Variants in AMMECR1 observed in about 807,000 individuals in gnomAD.
The protein encoded by AMMECR1 is nuclear protein AMMECR1.
A neutral mutation model predicts 22.5 loss-of-function variants in AMMECR1; 3 were observed. That is an observed-to-expected ratio of 0.13 (90% CI 0.06 to 0.35). The LOEUF is 0.35. AMMECR1 is among the 10% of genes least tolerant of loss of function. The probability of loss-of-function intolerance (pLI) is 1.00; values close to 1 mark genes in which losing one functional copy is unlikely to be tolerated. For synonymous variants in AMMECR1, 130 were observed against 116.7 expected (o/e 1.11, Z -0.74); for missense variants, 235 against 278.7 (o/e 0.84, Z 1.12).
chrX:110,424,390 A>G (rs551636768), intron 2 of AMMECR1, among the ~76,000 whole-genome samples: 1 of 111,260 alleles, frequency 9.0e-6, no homozygotes, highest in Admixed American at 9.6e-5. Flanking sequence ...TTTTTCCAGC[A>G]CTCCTAGGTG....
intron 2 of AMMECR1, among the ~76,000 whole-genome samples, chrX:110,338,164 G>A (rs1226644154): frequency 8.9e-6 from 1 of 112,180 alleles, no homozygotes; most frequent in Non-Finnish European, 1.9e-5. Flanking sequence ...TGTTTAACAT[G>A]ATGATGTGTT....
At chrX:110,203,444 C>T (rs995506836) in intron 3 of AMMECR1, among the ~76,000 whole-genome samples, 7 of 111,397 alleles carry the variant, frequency 6.3e-5, no homozygotes, top group African/African-American at 2.0e-4. Context: ...GAATAGTATA[C>T]AGAGCTAAAG....
At chrX:110,421,411 G>A (rs992199747) in intron 2 of AMMECR1, among the ~76,000 whole-genome samples, 3 of 112,623 alleles carry the variant, frequency 2.7e-5, no homozygotes, top group Non-Finnish European at 5.6e-5. Context: ...GAGACCTAAT[G>A]TCTGTGAGGG....
At chrX:110,409,994 T>C (rs2068630523) in intron 2 of AMMECR1, among the ~76,000 whole-genome samples, 1 of 112,054 alleles carries the variant, frequency 8.9e-6, no homozygotes, top group Non-Finnish European at 1.9e-5. Flanking sequence ...CAGAGTCTGA[T>C]TCAGTAAGTC....
chrX:110,414,238 A>G (rs1360479364), intron 2 of AMMECR1, among the ~76,000 whole-genome samples: 4 of 112,125 alleles, frequency 3.6e-5, no homozygotes, highest in Non-Finnish European at 7.5e-5. Context: ...ATAGTTTCCA[A>G]CCTCAGCGGG....
intron 2 of AMMECR1, among the ~76,000 whole-genome samples, chrX:110,382,783 C>T (rs2148276593): frequency 8.9e-6 from 1 of 112,146 alleles, no homozygotes; most frequent in East Asian, 2.8e-4. Flanking sequence ...CCCATTTCCA[C>T]TCACGGGGCC....
chrX:110,232,845 G>A (rs1223476859), intron 2 of AMMECR1, among the ~76,000 whole-genome samples: 7 of 93,397 alleles, frequency 7.5e-5, no homozygotes, highest in Non-Finnish European at 1.2e-4. Context: ...AGCTGAGATC[G>A]CGCCATTGCA....
At chrX:110,409,325 C>G (rs1208427188) in intron 2 of AMMECR1, among the ~76,000 whole-genome samples, 2 of 111,333 alleles carry the variant, frequency 1.8e-5, no homozygotes, top group African/African-American at 6.5e-5. Context: ...CTACAGTCCT[C>G]TTATCTTGAG....
chrX:110,335,052 A>C (rs1307295532), intron 2 of AMMECR1, among the ~76,000 whole-genome samples: 1 of 112,060 alleles, frequency 8.9e-6, no homozygotes, highest in Non-Finnish European at 1.9e-5. Flanking sequence ...CCCAGCTTTG[A>C]ATCCATTCTA....
chrX:110,243,143 T>C (rs1480313328), intron 2 of AMMECR1, among the ~76,000 whole-genome samples: 1 of 112,060 alleles, frequency 8.9e-6, no homozygotes, highest in Non-Finnish European at 1.9e-5. Flanking sequence ...AACTGAGTGA[T>C]CCCAGAAGAT....
chrX:110,431,321 G>A (rs1403327864), intron 1 of AMMECR1, among the ~76,000 whole-genome samples: 1 of 90,884 alleles, frequency 1.1e-5, no homozygotes, highest in Non-Finnish European at 2.1e-5. Flanking sequence ...ATGAGGGGAA[G>A]GCTGTGTGTG....
chrX:110,237,793 T>A (rs1051280736), intron 2 of AMMECR1, among the ~76,000 whole-genome samples: 1 of 111,893 alleles, frequency 8.9e-6, no homozygotes, highest in Non-Finnish European at 1.9e-5. Context: ...TCTGCAGACT[T>A]AACTTTCCTG....
intron 3 of AMMECR1, among the ~76,000 whole-genome samples, chrX:110,215,063 C>T (rs2067466911): frequency 8.9e-6 from 1 of 111,936 alleles, no homozygotes; most frequent in Non-Finnish European, 1.9e-5. Context: ...CAAGTAAGAA[C>T]AACAAACTTA....
intron 2 of AMMECR1, among the ~76,000 whole-genome samples, chrX:110,364,298 C>T (rs1223605656): frequency 9.0e-6 from 1 of 111,650 alleles, no homozygotes; most frequent in Non-Finnish European, 1.9e-5. Flanking sequence ...ACATCCTTAT[C>T]TTACATACAT....
intron 1 of AMMECR1, among the ~76,000 whole-genome samples, chrX:110,273,377 C>T (rs2067809691): frequency 9.0e-6 from 1 of 111,666 alleles, no homozygotes; most frequent in South Asian, 3.7e-4. Context: ...TGTTTGACTT[C>T]CTTGTAGATA....
At chrX:110,218,934 A>G (rs1333121310) in intron 2 of AMMECR1, among the ~76,000 whole-genome samples, 1 of 111,243 alleles carries the variant, frequency 9.0e-6, no homozygotes, top group South Asian at 3.7e-4. Flanking sequence ...CACTTAGCAT[A>G]TTTTTGAGAT....
At chrX:110,286,327 T>G (rs367754782) in intron 1 of AMMECR1, among the ~76,000 whole-genome samples, 2 of 110,679 alleles carry the variant, frequency 1.8e-5, no homozygotes, top group African/African-American at 3.3e-5. Flanking sequence ...AGTCTCTAGT[T>G]ATGACTCACC....
intron 2 of AMMECR1, among the ~76,000 whole-genome samples, chrX:110,416,605 C>A (rs2068679342): frequency 9.0e-6 from 1 of 111,692 alleles, no homozygotes; most frequent in Non-Finnish European, 1.9e-5. Context: ...GCATGCTACC[C>A]CCTGTGCCCT....
intron 3 of AMMECR1, among the ~76,000 whole-genome samples, chrX:110,209,100 G>C (rs993713367): frequency 5.4e-5 from 6 of 110,761 alleles, no homozygotes; most frequent in Non-Finnish European, 1.1e-4. Flanking sequence ...AGTGGGGACA[G>C]GGTGGGCGGG....
Sources: gnomAD v4.1 joint callset for allele counts (sites outside exome capture counted in the v4.1 genomes callset) on GRCh38, gnomAD v4.1.1 for gene constraint, MANE v1.5 for transcripts, NCBI Gene and HGNC (gene_info 2026-07-23, HGNC 2026-07-21) for gene names.